The following MLLT3 variants were observed in gnomAD, a reference collection of about 807,000 sequenced individuals.
MLLT3 encodes the protein protein AF-9.
Under a neutral mutation model 53.2 loss-of-function variants are expected in MLLT3, and 4 were observed. The observed-to-expected ratio is 0.08, with a 90% CI of 0.04 to 0.17. MLLT3 has a LOEUF of 0.17. Among genes scored for constraint, MLLT3 ranks in the 10% least tolerant of loss-of-function variants. The probability of loss-of-function intolerance (pLI) is 1.00; values close to 1 mark genes in which losing one functional copy is unlikely to be tolerated. For synonymous variants in MLLT3, 283 were observed against 230.6 expected (o/e 1.23, Z -2.06); for missense variants, 569 against 684.0 (o/e 0.83, Z 1.87).
At chr9:20,601,066 G>C (rs1355899707) in intron 2 of MLLT3, among the ~76,000 whole-genome samples, 2 of 152,178 alleles carry the variant, frequency 1.3e-5, no homozygotes, top group Non-Finnish European at 2.9e-5. Context: ...CCCAGACTCA[G>C]ATTGCTCTAG....
chr9:20,527,874 AT>A (rs1318893137), intron 2 of MLLT3, among the ~76,000 whole-genome samples: 1 of 152,238 alleles, frequency 6.6e-6, no homozygotes, highest in Admixed American at 6.5e-5. Context: ...ATTCTGTAAC[AT>A]CTTAAGGTGA....
chr9:20,597,567 CCTT>C (rs1212547404), intron 2 of MLLT3, among the ~76,000 whole-genome samples: 1 of 152,152 alleles, frequency 6.6e-6, no homozygotes, highest in East Asian at 1.9e-4. Flanking sequence ...GTTCATCCCT[CCTT>C]CTTCTTACTA....
At chr9:20,435,831 G>C (rs1436627580) in intron 4 of MLLT3, among the ~76,000 whole-genome samples, 3 of 152,038 alleles carry the variant, frequency 2.0e-5, no homozygotes, top group Non-Finnish European at 4.4e-5. Flanking sequence ...AAGCATCTTG[G>C]ATTTCCTGAG....
At chr9:20,436,888 A>T (rs150590798) in intron 4 of MLLT3, among the ~76,000 whole-genome samples, 303 of 152,272 alleles carry the variant, frequency 2.0e-3, no homozygotes, top group African/African-American at 7.2e-3. Flanking sequence ...GTTTTTCCTA[A>T]ACAGCAGTCA....
At chr9:20,359,145 CAAAAAAAAAAAAAA>C (rs920197622) in intron 8 of MLLT3, among the ~76,000 whole-genome samples, 4 of 20,964 alleles carry the variant, frequency 1.9e-4, no homozygotes, top group East Asian at 1.3e-3. Flanking sequence ...AACTCCATCT[CAAAAAAAAAAAAAA>C]AAAAAAAAAA....
chr9:20,408,966 A>G (rs550702374), intron 5 of MLLT3, among the ~76,000 whole-genome samples: 1 of 152,140 alleles, frequency 6.6e-6, no homozygotes, highest in African/African-American at 2.4e-5. Flanking sequence ...CTTGGGAAAA[A>G]TGCTGCCAAC....
intron 4 of MLLT3, among the ~76,000 whole-genome samples, chr9:20,422,908 T>A (rs573978066): frequency 6.6e-6 from 1 of 152,200 alleles, no homozygotes; most frequent in Admixed American, 6.5e-5. Context: ...TCCAGACTGA[T>A]GTAGAAGTTT....
intron 2 of MLLT3, among the ~76,000 whole-genome samples, chr9:20,527,768 A>G (rs1035877581): frequency 6.6e-6 from 1 of 152,206 alleles, no homozygotes; most frequent in Non-Finnish European, 1.5e-5. Context: ...AATGTGCTCA[A>G]ATTGAATATC....
chr9:20,458,304 C>A (rs570785635), intron 2 of MLLT3, among the ~76,000 whole-genome samples: 1 of 152,272 alleles, frequency 6.6e-6, no homozygotes, highest in East Asian at 1.9e-4. Flanking sequence ...GGACAGGAAG[C>A]ACATTCACCT....
At chr9:20,449,641 C>T (rs1157219518) in intron 3 of MLLT3, among the ~76,000 whole-genome samples, 3 of 152,208 alleles carry the variant, frequency 2.0e-5, no homozygotes, top group African/African-American at 4.8e-5. Flanking sequence ...TGAAACTCTC[C>T]GAATATAGGA....
At chr9:20,541,793 G>C (rs549189782) in intron 2 of MLLT3, among the ~76,000 whole-genome samples, 3 of 152,170 alleles carry the variant, frequency 2.0e-5, no homozygotes, top group Non-Finnish European at 4.4e-5. Context: ...GTTTTATCAT[G>C]AGATTGCCGA....
chr9:20,383,560 T>C (rs1821956389), intron 5 of MLLT3, among the ~76,000 whole-genome samples: 1 of 151,898 alleles, frequency 6.6e-6, no homozygotes. Flanking sequence ...ATCGCTAATG[T>C]TAGAATGTTG....
In MLLT3 at chr9:20,343,057, G is replaced by C. The variant is rs1035421284; in HGVS notation, c.*3386C>G. 44 of 183,834 alleles carry C rather than the reference G, an allele frequency of 2.4e-4. 1 individual carries two copies. Among genetic ancestry groups the C allele is most frequent in the Non-Finnish European group, 8.0e-5 (7 of 87,312 alleles). 11.4% of individuals were successfully genotyped at this position (183,834 alleles called of 1,614,324 possible). ...CAAAGTTAAAACATTTAAGAGTAAA[G>C]TCTCTCTTAAACAAATATATTAACT... On this transcript the variant is annotated 3_prime_UTR_variant, in exon 11 of 11. Coordinates refer to ENST00000380338, the MANE Select transcript of MLLT3 (RefSeq NM_004529.4).
intron 2 of MLLT3, among the ~76,000 whole-genome samples, chr9:20,487,536 C>T (rs1386848418): frequency 1.3e-5 from 2 of 152,126 alleles, no homozygotes; most frequent in African/African-American, 4.8e-5. Context: ...TTGTTTTATA[C>T]TCCCTAATCA....
At chr9:20,486,879 C>T (rs1490135175) in intron 2 of MLLT3, among the ~76,000 whole-genome samples, 1 of 152,066 alleles carries the variant, frequency 6.6e-6, no homozygotes. Context: ...ATCTTTATAT[C>T]AGTACTTGTT....
chr9:20,513,346 G>C (rs1817810747), intron 2 of MLLT3, among the ~76,000 whole-genome samples: 1 of 152,180 alleles, frequency 6.6e-6, no homozygotes, highest in South Asian at 2.1e-4. Context: ...AGTCCGATGA[G>C]ACACAGAGGA....
intron 2 of MLLT3, among the ~76,000 whole-genome samples, chr9:20,483,255 G>C (rs1824713683): frequency 8.5e-6 from 1 of 118,236 alleles, no homozygotes; most frequent in Non-Finnish European, 1.8e-5. Flanking sequence ...TTTTTTTTGA[G>C]ACAGGTTCTT....
intron 2 of MLLT3, among the ~76,000 whole-genome samples, chr9:20,573,885 G>A (rs1819591730): frequency 1.3e-5 from 2 of 152,160 alleles, no homozygotes; most frequent in South Asian, 4.1e-4. Flanking sequence ...TGAGGTACAA[G>A]ACAGATCAAG....
At chr9:20,614,885 C>T (rs1820785874) in intron 2 of MLLT3, among the ~76,000 whole-genome samples, 1 of 130,172 alleles carries the variant, frequency 7.7e-6, no homozygotes, top group East Asian at 2.1e-4. Context: ...GAGAAAGAAA[C>T]TTCAAAGAAC....
Sources: allele counts gnomAD v4.1 joint callset (sites outside exome capture counted in the v4.1 genomes callset), GRCh38; gene constraint gnomAD v4.1.1; transcripts MANE v1.5; gene names NCBI Gene and HGNC (gene_info 2026-07-23, HGNC 2026-07-21).